The following ELK4 variants were observed in gnomAD, a reference collection of about 807,000 sequenced individuals.
The protein encoded by ELK4 is ETS domain-containing protein Elk-4.
ELK4 carries 16 observed loss-of-function variants against 29.6 expected under a neutral mutation model. The observed-to-expected ratio is 0.54, with a 90% CI of 0.37 to 0.82. The LOEUF (loss-of-function observed/expected upper bound fraction) is 0.82, where lower values mean the gene tolerates loss of function less well. ELK4 is among the 40% of genes least tolerant of loss of function. The pLI is 0.00. For synonymous variants in ELK4, 213 were observed against 191.1 expected (o/e 1.11, Z -0.95); for missense variants, 465 against 507.1 (o/e 0.92, Z 0.80).
intron 1 of ELK4, among the ~76,000 whole-genome samples, chr1:205,624,489 C>T (rs939888002): frequency 6.6e-6 from 1 of 152,208 alleles, no homozygotes. Context: ...AAATTGGCAG[C>T]ATTTTGAATT....
intron 4 of ELK4, among the ~76,000 whole-genome samples, chr1:205,618,016 A>AGCAAGAGAGAGAGAGAGAAT (rs1553243121): frequency 6.6e-6 from 1 of 150,926 alleles, no homozygotes; most frequent in Non-Finnish European, 1.5e-5. Context: ...AGAGAGAGAG[A>AGCAAGAGAGAGAGAGAGAAT]GTGTGTGTGT....
chr1:205,621,920 A>G (rs1362896248), intron 2 of ELK4, among the ~76,000 whole-genome samples: 1 of 147,100 alleles, frequency 6.8e-6, no homozygotes, highest in Admixed American at 6.8e-5. Context: ...CAACCACTTA[A>G]TGGTGAAAGA....
chr1:205,620,568 C>T lies in ELK4; in HGVS notation c.478G>A (p.Val160Ile). The T allele has an allele frequency of 6.2e-7, 1 of 1,614,098 alleles. No homozygotes were observed. The highest frequency in any genetic ancestry group is 8.5e-7 in the Non-Finnish European group (1 of 1,180,022). The change falls in exon 3 of 5, where the codon GTA becomes ATA. Residue 160 changes from valine (V) to isoleucine (I), a missense_variant. Around this residue, in one of 2 missense-constraint regions of ELK4, gnomAD observed 385 missense variants for 387.5 expected, o/e 0.99. Transcript: ENST00000357992. ...GTCTTTATCAATTTGAAAAGCTTTA[C>T]ATTGGAGGAGTTCAAAGAGTTGAGA... ...FTLNSLNSSN[V>I]KLFKLIKTEN...
At position 205,620,224 on chromosome 1, in the gene ELK4, A is replaced by G. The variant is rs748051441; in HGVS notation, c.822T>C (p.Ser274=). 6.8e-6 allele frequency: 11 copies of G among 1,614,122 alleles called. No individual in the cohort carries two copies. The highest frequency in any genetic ancestry group is 1.7e-5 in the Admixed American group (1 of 60,004). The change falls in exon 3 of 5, where the codon TCT becomes TCC. Residue 274 remains serine, a synonymous_variant. Transcript: ENST00000357992. ...PPRTPSPPLS[S]HPDIDTDIDS... is the part of the protein sequence containing the mutation. ...CAATGTCTGTGTCGATGTCTGGGTG[A>G]GAACTCAGTGGTGGTGAAGGTGTTC...
At position 205,610,779 on chromosome 1, in the gene ELK4, A is replaced by G. The variant is rs958641889; in HGVS notation, c.*5767T>C. ...TATGAAAACAGATTTACACGCGCAC[A>G]CACACACACACACACATTCAGTCAA... On this transcript the variant is annotated 3_prime_UTR_variant, in exon 5 of 5. Transcript: ENST00000357992. 3 of 226,658 alleles carry G rather than the reference A, an allele frequency of 1.3e-5. No individual in the cohort carries two copies. The highest frequency in any genetic ancestry group is 1.1e-4 in the Admixed American group (2 of 17,610). 14.0% of individuals were successfully genotyped at this position (226,658 alleles called of 1,614,324 possible). A position where few individuals can be genotyped will look rare whatever the true frequency, so the allele number is the denominator to read the frequency against.
In ELK4 at chr1:205,612,238, A is replaced by T; in HGVS notation, c.*4308T>A. The T allele has an allele frequency of 4.9e-6, 1 of 205,028 alleles. No individual in the cohort carries two copies. The highest frequency in any genetic ancestry group is 1.0e-5 in the Non-Finnish European group (1 of 100,226). 12.7% of individuals were successfully genotyped at this position (205,028 alleles called of 1,614,324 possible). A position where few individuals can be genotyped will look rare whatever the true frequency, so the allele number is the denominator to read the frequency against. On this transcript the variant is annotated 3_prime_UTR_variant, in exon 5 of 5. Transcript: ENST00000357992. ...TCCTGAAAAACTCCAAATCTCTAGG[A>T]TTTCTCCATATATCATAAGAGAGCA...
Position 205,631,931 on chromosome 1 carries a change from G to A in ELK4, c.-309C>T, listed in dbSNP as rs868752798. 3 of 150,132 alleles carry A rather than the reference G, an allele frequency of 2.0e-5. No individual in the cohort carries two copies. Among genetic ancestry groups the A allele is most frequent in the African/African-American group, 7.3e-5 (3 of 41,328 alleles). The allele number at this position is 150,132 out of a possible 1,614,324, so 9.3% of individuals were successfully genotyped here. A position where few individuals can be genotyped will look rare whatever the true frequency, so the allele number is the denominator to read the frequency against. On this transcript the variant is annotated 5_prime_UTR_variant, in exon 1 of 5. Coordinates refer to ENST00000357992, the MANE Select transcript of ELK4 (RefSeq NM_001973.4). ...GCGCGCGTTCGGGGCGTTCCTTGCA[G>A]CGGCGGGGCCTGCCAGGCCCTCCGC...
Position 205,616,484 on chromosome 1 carries a change from T to C in ELK4, c.*62A>G. On this transcript the variant is annotated 3_prime_UTR_variant, in exon 5 of 5. Coordinates refer to ENST00000357992, the MANE Select transcript of ELK4 (RefSeq NM_001973.4). Reference sequence around the variant, plus strand: ...AGAACTATCAATTGCTCACTTCAAATGCAATCATGTTGAATGTCTGTTTCT... The same window carrying C: ...AGAACTATCAATTGCTCACTTCAAACGCAATCATGTTGAATGTCTGTTTCT... 6.9e-7 allele frequency: 1 copy of C among 1,450,230 alleles called. No individual in the cohort carries two copies. The highest frequency in any genetic ancestry group is 1.2e-5 in the South Asian group (1 of 86,756). 89.8% of individuals were successfully genotyped at this position (1,450,230 alleles called of 1,614,324 possible).
intron 3 of ELK4, 200 bp from the exon 4 acceptor site, chr1:205,619,273 A>T (rs1475289834): frequency 8.6e-6 from 9 of 1,048,094 alleles, no homozygotes; most frequent in African/African-American, 3.3e-5. Flanking sequence ...ACTACTTAAA[A>T]TTTTTTAAAT....
At chr1:205,625,835 C>T (rs1419387349) in intron 1 of ELK4, 10 of 604,752 alleles carry the variant, frequency 1.7e-5, no homozygotes, top group East Asian at 5.8e-5. Flanking sequence ...CATGCCACCA[C>T]GCCCAGCTAA....
Position 205,616,122 on chromosome 1 carries a change from T to G in ELK4, c.*424A>C. 2 of 239,698 alleles carry G rather than the reference T, an allele frequency of 8.3e-6. No individual in the cohort carries two copies. Among genetic ancestry groups the G allele is most frequent in the Non-Finnish European group, 1.7e-5 (2 of 120,640 alleles). 14.8% of individuals were successfully genotyped at this position (239,698 alleles called of 1,614,324 possible). ...AAGATGCCAATTCATTTCACAAATA[T>G]TTCTTTAAATAATAGATTCTAAGCA... On this transcript the variant is annotated 3_prime_UTR_variant, in exon 5 of 5. Coordinates refer to ENST00000357992, the MANE Select transcript of ELK4 (RefSeq NM_001973.4).
chr1:205,618,162 G>A (rs1670268252), intron 4 of ELK4, among the ~76,000 whole-genome samples: 1 of 151,928 alleles, frequency 6.6e-6, no homozygotes, highest in Admixed American at 6.6e-5. Context: ...AGTAGCTCTA[G>A]GGGCCACAGG....
intron 1 of ELK4, among the ~76,000 whole-genome samples, chr1:205,624,170 GA>G (rs1365060611): frequency 1.3e-5 from 2 of 152,200 alleles, no homozygotes; most frequent in Non-Finnish European, 1.5e-5. Flanking sequence ...CGCTGCTTAA[GA>G]AATGTCTTAA....
In ELK4 at chr1:205,610,671, T is replaced by C; in HGVS notation, c.*5875A>G. On this transcript the variant is annotated 3_prime_UTR_variant, in exon 5 of 5. Transcript: ENST00000357992. ...CTGAAATGTGCAAAGCATTAATCTT[T>C]TAAAAAGTGGCAACTGCAAAGTGCA... The C allele has an allele frequency of 4.3e-6, 1 of 231,636 alleles. No individual in the cohort carries two copies. The highest frequency in any genetic ancestry group is 8.5e-6 in the Non-Finnish European group (1 of 117,040). The allele number at this position is 231,636 out of a possible 1,614,324, so 14.3% of individuals were successfully genotyped here.
At chr1:205,622,044 T>C (rs1214634366) in intron 2 of ELK4, among the ~76,000 whole-genome samples, 2 of 151,694 alleles carry the variant, frequency 1.3e-5, no homozygotes, top group African/African-American at 4.8e-5. Context: ...TGAAACCCCA[T>C]CTCTACCAAA....
intron 1 of ELK4, among the ~76,000 whole-genome samples, chr1:205,628,800 C>A (rs1476689624): frequency 1.3e-5 from 2 of 151,834 alleles, no homozygotes; most frequent in East Asian, 1.9e-4. Flanking sequence ...AAGGTAGAAC[C>A]GAGCTGTTGT....
rs201415819 is a variant in ELK4 at position 205,610,385 on chromosome 1, T to C, written c.*6161A>G. 4.1e-4 allele frequency: 94 copies of C among 231,122 alleles called. No homozygotes were observed. The East Asian group carries it at 5.3e-3, about 13-fold the overall frequency. 14.3% of individuals were successfully genotyped at this position (231,122 alleles called of 1,614,324 possible). Reference sequence around the variant, plus strand: ...GGCCACAATACCAGCATTCCTCCACTACTGTATTCAATCCATGGTCGAATC... The same window carrying C: ...GGCCACAATACCAGCATTCCTCCACCACTGTATTCAATCCATGGTCGAATC... On this transcript the variant is annotated 3_prime_UTR_variant, in exon 5 of 5. Transcript: ENST00000357992.
rs1670132828 is a variant in ELK4, at chr1:205,610,254, T to C, written c.*6292A>G. The C allele has an allele frequency of 4.3e-6, 1 of 231,586 alleles. No individual in the cohort carries two copies. Among genetic ancestry groups the C allele is most frequent in the Non-Finnish European group, 8.5e-6 (1 of 117,094 alleles). The allele number at this position is 231,586 out of a possible 1,614,324, so 14.3% of individuals were successfully genotyped here. On this transcript the variant is annotated 3_prime_UTR_variant, in exon 5 of 5. Transcript: ENST00000357992. ...AGGGAAAAGAACCAGAAGGAGCCTT[T>C]ATGAGATGGGAAACAAGGCAAAGTT...
At position 205,620,425 on chromosome 1, in the gene ELK4, G is replaced by A. The variant is rs778431254; in HGVS notation, c.621C>T (p.Thr207=). 6.2e-7 allele frequency: 1 copy of A among 1,614,166 alleles called. No homozygotes were observed. Among genetic ancestry groups the A allele is most frequent in the Non-Finnish European group, 8.5e-7 (1 of 1,180,036 alleles). The change falls in exon 3 of 5, where the codon ACC becomes ACT. Residue 207 remains threonine (T), a synonymous_variant. Transcript: ENST00000357992. ...KKPPVEPVAA[T]ISIGPSISPS... is the part of the protein sequence containing the mutation. ...GAGAAATACTTGGGCCAATTGAAAT[G>A]GTGGCAGCAACAGGTTCAACCGGTG...
Sources: allele counts gnomAD v4.1 joint callset (sites outside exome capture counted in the v4.1 genomes callset), GRCh38; gene constraint gnomAD v4.1.1; regional missense constraint gnomAD v4.1.1; transcripts MANE v1.5; gene names NCBI Gene and HGNC (gene_info 2026-07-23, HGNC 2026-07-21).